The following OR3A2 variants were observed in gnomAD, a reference collection of about 807,000 sequenced individuals.
OR3A2 encodes the protein olfactory receptor family 3 subfamily A member 2, also known as olfactory receptor 3A2.
For missense variants in OR3A2, 318 were observed against 392.8 expected, an observed-to-expected ratio of 0.81 and a Z score of 1.61; for synonymous variants, 126 against 159.3, an observed-to-expected ratio of 0.79 and a Z score of 1.57.
At chr17:3,364,507 C>T (rs2049546980) in intron 2 of OR3A2, among the ~76,000 whole-genome samples, 2 of 152,202 alleles carry the variant, frequency 1.3e-5, no homozygotes, top group South Asian at 4.1e-4. Context: ...ACGTCTCACC[C>T]AGCCTCTGGT....
In OR3A2 at chr17:3,291,954, G is replaced by A. The variant is rs372909736; in HGVS notation, c.-84-12801C>T. On this transcript the variant is annotated intron_variant, in intron 3 of 4. Coordinates refer to the OR3A2 transcript ENST00000573491. ...GACAATGAGAGCCATGGGGGTACCT[G>A]CCATTATAAAACCCACAGCAAAAAG... 95 of 1,614,068 alleles carry A rather than the reference G, an allele frequency of 5.9e-5. 1 individual carries two copies. Among genetic ancestry groups the A allele is most frequent in the Non-Finnish European group, 7.9e-5 (93 of 1,180,038 alleles).
At chr17:3,349,032 T>C (rs1473068175) in intron 2 of OR3A2, among the ~76,000 whole-genome samples, 1 of 151,950 alleles carries the variant, frequency 6.6e-6, no homozygotes, top group East Asian at 1.9e-4. Flanking sequence ...CTGAAGGAAG[T>C]GCTAAACATG....
At chr17:3,286,566 C>T (rs1485673341), upstream of OR3A2, among the ~76,000 whole-genome samples, 2 of 151,850 alleles carry the variant, frequency 1.3e-5, no homozygotes, top group East Asian at 1.9e-4. Flanking sequence ...TCCACATCCT[C>T]TCCAGCATCT....
At chr17:3,292,474 C>G in intron 3 of OR3A2, 1 of 1,613,660 alleles carries the variant, frequency 6.2e-7, no homozygotes, top group Non-Finnish European at 8.5e-7. Context: ...ACCAGGTAGG[C>G]AAAGAGGAAG....
chr17:3,282,548 A>G (rs1343634217), intron 1 of OR3A2, among the ~76,000 whole-genome samples: 2 of 152,164 alleles, frequency 1.3e-5, no homozygotes, highest in Non-Finnish European at 2.9e-5. Flanking sequence ...TGAGGTCTCC[A>G]CTGTGTGTGC....
intron 3 of OR3A2, among the ~76,000 whole-genome samples, chr17:3,319,773 T>C (rs1407191147): frequency 4.1e-4 from 63 of 152,278 alleles, no homozygotes; most frequent in African/African-American, 1.2e-3. Flanking sequence ...TCCAGTCTAT[T>C]GTTGTTGGAC....
intron 2 of OR3A2, among the ~76,000 whole-genome samples, chr17:3,368,412 T>A (rs1477915757): frequency 6.6e-6 from 1 of 152,236 alleles, no homozygotes; most frequent in Non-Finnish European, 1.5e-5. Context: ...GATTTTTGTA[T>A]TAAGTGAGAG....
chr17:3,292,573 C>T, intron 3 of OR3A2: 2 of 1,605,446 alleles, frequency 1.2e-6, no homozygotes, highest in Non-Finnish European at 1.7e-6. Context: ...GCCCCAGATT[C>T]TGGCTGCATG....
intron 3 of OR3A2, among the ~76,000 whole-genome samples, chr17:3,309,702 T>C (rs1023950446): frequency 6.6e-6 from 1 of 152,162 alleles, no homozygotes; most frequent in Admixed American, 6.5e-5. Context: ...CTCGGTGATG[T>C]TTCCTCGTTT....
intron 2 of OR3A2, among the ~76,000 whole-genome samples, chr17:3,357,978 G>A (rs1340941442): frequency 1.3e-5 from 2 of 151,622 alleles, no homozygotes; most frequent in Admixed American, 1.3e-4. Flanking sequence ...CAGGTTCAGA[G>A]AGGCCACTTA....
chr17:3,288,905 T>C (rs2150620190), upstream of OR3A2, among the ~76,000 whole-genome samples: 1 of 152,318 alleles, frequency 6.6e-6, no homozygotes, highest in East Asian at 1.9e-4. Flanking sequence ...TTATTGGCAG[T>C]CGCAAAAATA....
intron 2 of OR3A2, among the ~76,000 whole-genome samples, chr17:3,373,544 ATG>A (rs2049652256): frequency 6.6e-6 from 1 of 152,104 alleles, no homozygotes; most frequent in African/African-American, 2.4e-5. Context: ...TCATTATATA[ATG>A]TCTCTCTTTG....
chr17:3,298,036 T>C (rs1350737977), intron 3 of OR3A2, among the ~76,000 whole-genome samples: 3 of 152,108 alleles, frequency 2.0e-5, no homozygotes, highest in Non-Finnish European at 4.4e-5. Flanking sequence ...TGAGGACTCA[T>C]TTGGGAATAG....
chr17:3,331,993 C>G (rs2049239048), intron 3 of OR3A2, among the ~76,000 whole-genome samples: 1 of 151,962 alleles, frequency 6.6e-6, no homozygotes, highest in African/African-American at 2.4e-5. Flanking sequence ...GTCAGTGTGC[C>G]CCTGCTGGGG....
chr17:3,368,578 T>C (rs914114220), intron 2 of OR3A2, among the ~76,000 whole-genome samples: 3 of 152,220 alleles, frequency 2.0e-5, no homozygotes, highest in South Asian at 4.1e-4. Flanking sequence ...TTCTCTTTTA[T>C]GTTCCATTGG....
chr17:3,325,203 ATTTTTTT>A (rs61124691), intron 3 of OR3A2, among the ~76,000 whole-genome samples: 69 of 108,614 alleles, frequency 6.4e-4, no homozygotes, highest in African/African-American at 2.5e-3. Context: ...GATCCTTCCA[ATTTTTTT>A]TTTTTTTTTT....
At chr17:3,352,460 T>C (rs1295016164) in intron 2 of OR3A2, among the ~76,000 whole-genome samples, 2 of 151,992 alleles carry the variant, frequency 1.3e-5, no homozygotes, top group African/African-American at 2.4e-5. Flanking sequence ...CTAGTTTTAT[T>C]CTTCTGACTA....
exon 2 of OR3A2, chr17:3,277,828 T>C (rs772113091): frequency 6.9e-5 from 59 of 861,230 alleles, no homozygotes; most frequent in Non-Finnish European, 9.8e-5. Context: ...TAGGGTTTCC[T>C]AGTAGGACAA....
intron 3 of OR3A2, among the ~76,000 whole-genome samples, chr17:3,324,005 T>C (rs1448085054): frequency 6.6e-6 from 1 of 152,144 alleles, no homozygotes; most frequent in Non-Finnish European, 1.5e-5. Context: ...CAATCAGACA[T>C]AGATTTGGTC....
Sources: gnomAD v4.1 joint callset for allele counts (sites outside exome capture counted in the v4.1 genomes callset) on GRCh38, gnomAD v4.1.1 for gene constraint, MANE v1.5 for transcripts, NCBI Gene and HGNC (gene_info 2026-07-23, HGNC 2026-07-21) for gene names.